The following ZMYND8 variants were observed in gnomAD, a reference collection of about 807,000 sequenced individuals.
The protein encoded by ZMYND8 is zinc finger MYND-type containing 8.
In ZMYND8, 37 loss-of-function variants were observed where a neutral mutation model predicts 140.8. The observed-to-expected ratio is 0.26, with a 90% CI of 0.20 to 0.35. The LOEUF is 0.35. Ranked by LOEUF, ZMYND8 falls within the 10% of genes least tolerant of loss-of-function variation. The pLI, the probability that ZMYND8 is intolerant of heterozygous loss-of-function variation, is 1.00. For synonymous variants in ZMYND8, 592 were observed against 597.1 expected, an observed-to-expected ratio of 0.99 and a Z score of 0.12; for missense variants, 1,068 against 1,570.0, an observed-to-expected ratio of 0.68 and a Z score of 5.40.
At chr20:47,309,932 A>T in intron 3 of ZMYND8, 124 bp downstream of exon 3, 1 of 1,330,182 alleles carries the variant, frequency 7.5e-7, no homozygotes, top group Non-Finnish European at 1.0e-6. Flanking sequence ...AAGGCAAATG[A>T]CAGCCAGCGC....
At chr20:47,337,521 G>T (rs1343800270) in intron 2 of ZMYND8, among the ~76,000 whole-genome samples, 1 of 151,998 alleles carries the variant, frequency 6.6e-6, no homozygotes, top group African/African-American at 2.4e-5. Flanking sequence ...AATAAATAAA[G>T]ATAAAACCTG....
intron 2 of ZMYND8, among the ~76,000 whole-genome samples, chr20:47,336,950 T>C (rs912605653): frequency 3.8e-4 from 58 of 151,940 alleles, no homozygotes; most frequent in African/African-American, 1.4e-3. Context: ...GCTGGGCCCT[T>C]CAGGCATTTG....
At chr20:47,219,519 G>T (rs2036625467) in intron 21 of ZMYND8, among the ~76,000 whole-genome samples, 1 of 126,090 alleles carries the variant, frequency 7.9e-6, no homozygotes. Flanking sequence ...GGGCAAGACT[G>T]TCTCAAAAAA....
chr20:47,293,277 G>GA (rs1044427843), intron 5 of ZMYND8, among the ~76,000 whole-genome samples: 1 of 151,300 alleles, frequency 6.6e-6, no homozygotes, highest in African/African-American at 2.4e-5. Flanking sequence ...TTCATCTATA[G>GA]AAAAAATGTC....
At chr20:47,344,989 G>GC (rs1291715252) in intron 2 of ZMYND8, among the ~76,000 whole-genome samples, 29 of 149,832 alleles carry the variant, frequency 1.9e-4, no homozygotes, top group Admixed American at 1.9e-3. Context: ...GAGGTGGTGT[G>GC]CACCTGTAGT....
chr20:47,213,043 T>C (rs1257640525), intron 21 of ZMYND8, among the ~76,000 whole-genome samples: 2 of 152,220 alleles, frequency 1.3e-5, no homozygotes, highest in Non-Finnish European at 2.9e-5. Context: ...AATAGCCTAA[T>C]TCAACCATGG....
intron 12 of ZMYND8, among the ~76,000 whole-genome samples, chr20:47,254,869 G>C (rs1312259388): frequency 6.6e-6 from 1 of 152,202 alleles, no homozygotes; most frequent in Non-Finnish European, 1.5e-5. Context: ...CCTCATGCCT[G>C]CAATCCCAGC....
chr20:47,240,962 C>T (rs1418356663), intron 14 of ZMYND8, among the ~76,000 whole-genome samples: 1 of 152,182 alleles, frequency 6.6e-6, no homozygotes, highest in Non-Finnish European at 1.5e-5. Flanking sequence ...GGACGTGCTA[C>T]TGTGTCCCGC....
At chr20:47,234,951 G>A (rs1568940514) in intron 16 of ZMYND8, among the ~76,000 whole-genome samples, 1 of 151,702 alleles carries the variant, frequency 6.6e-6, no homozygotes, top group Non-Finnish European at 1.5e-5. Context: ...ACCAGCCTGG[G>A]CAACAAAATG....
In ZMYND8 at chr20:47,290,287, G is replaced by A. The variant is rs375577014; in HGVS notation, c.661-13C>T. 1.2e-5 allele frequency: 19 copies of A among 1,612,360 alleles called. No homozygotes were observed. Among genetic ancestry groups the A allele is most frequent in the Middle Eastern group, 3.3e-4 (2 of 6,074 alleles). On this transcript the variant is annotated splice_polypyrimidine_tract_variant and intron_variant, in intron 6 of 22. Coordinates refer to ENST00000471951, the MANE Select transcript of ZMYND8 (RefSeq NM_001281775.3). ...TCTTTTTCGCATTCTGGGAAGAAAA[G>A]CGATGGAGCATAATCACAGTGAGTC...
chr20:47,287,210 G>A lies in ZMYND8; in HGVS notation c.804+19C>T, dbSNP rs1374041287. On this transcript the variant is annotated intron_variant, in intron 8 of 22. Coordinates refer to ENST00000471951, the MANE Select transcript of ZMYND8 (RefSeq NM_001281775.3). The stretch of plus-strand genomic sequence containing the variant: ...CTCCTTCTGGGTGCATCTAAAACAG[G>A]ACAGTGGGAAACACATACCTCATGT... 12 of 1,611,288 alleles carry A rather than the reference G, an allele frequency of 7.4e-6. No individual in the cohort carries two copies. The highest frequency in any genetic ancestry group is 1.1e-5 in the South Asian group (1 of 91,034).
chr20:47,314,265 G>C (rs140603305), intron 2 of ZMYND8, among the ~76,000 whole-genome samples: 2 of 152,228 alleles, frequency 1.3e-5, no homozygotes, highest in African/African-American at 4.8e-5. Flanking sequence ...TTGGGAGGCT[G>C]AGGTTAGCAG....
intron 21 of ZMYND8, among the ~76,000 whole-genome samples, chr20:47,214,492 G>A (rs935106641): frequency 2.0e-5 from 3 of 152,050 alleles, no homozygotes; most frequent in African/African-American, 4.8e-5. Flanking sequence ...CCTAAATGTC[G>A]GACTAAATCT....
chr20:47,328,337 T>G (rs1309733402), intron 2 of ZMYND8, among the ~76,000 whole-genome samples: 1 of 152,224 alleles, frequency 6.6e-6, no homozygotes, highest in Non-Finnish European at 1.5e-5. Context: ...CTGTTATCAC[T>G]GGTTACCTGG....
chr20:47,227,631 T>G (rs1194172226), intron 17 of ZMYND8, among the ~76,000 whole-genome samples: 2 of 152,106 alleles, frequency 1.3e-5, no homozygotes, highest in Non-Finnish European at 1.5e-5. Flanking sequence ...CACTCTTACA[T>G]AACATTTAGG....
At chr20:47,271,337 T>C (rs1264739335) in intron 11 of ZMYND8, among the ~76,000 whole-genome samples, 1 of 152,200 alleles carries the variant, frequency 6.6e-6, no homozygotes, top group South Asian at 2.1e-4. Context: ...TATTTCCTTA[T>C]GAAAGAGCTG....
intron 10 of ZMYND8, 132 bp from the exon 11 acceptor site, chr20:47,276,927 A>C (rs2076290786): frequency 9.1e-6 from 9 of 993,994 alleles, no homozygotes; most frequent in African/African-American, 1.6e-5. Flanking sequence ...AAAAAAAAAA[A>C]AACTTGGTTT....
At chr20:47,261,204 A>T (rs1172874486) in intron 12 of ZMYND8, among the ~76,000 whole-genome samples, 1 of 151,990 alleles carries the variant, frequency 6.6e-6, no homozygotes, top group Admixed American at 6.6e-5. Flanking sequence ...CTGGGCAACA[A>T]GAGCGAAACT....
At chr20:47,297,221 C>G (rs2077698234) in intron 4 of ZMYND8, among the ~76,000 whole-genome samples, 1 of 152,140 alleles carries the variant, frequency 6.6e-6, no homozygotes, top group Admixed American at 6.5e-5. Flanking sequence ...TTAGAGAGGA[C>G]ACCATTACAA....
Sources: gnomAD v4.1 joint callset for allele counts (sites outside exome capture counted in the v4.1 genomes callset) on GRCh38, gnomAD v4.1.1 for gene constraint, MANE v1.5 for transcripts, NCBI Gene and HGNC (gene_info 2026-07-23, HGNC 2026-07-21) for gene names.